The following HBS1L variants were observed in gnomAD, a reference collection of about 807,000 sequenced individuals.
HBS1L encodes HBS1 like translational GTPase, also known as HBS1-like protein.
HBS1L carries 55 observed loss-of-function variants against 88.9 expected under a neutral mutation model. That is an observed-to-expected ratio of 0.62 (90% CI 0.50 to 0.77). HBS1L has a LOEUF of 0.77. HBS1L is among the 30% of genes least tolerant of loss of function. The pLI is 0.00. For missense variants in HBS1L, 741 were observed against 829.3 expected (o/e 0.89, Z 1.31); for synonymous variants, 267 against 288.5 (o/e 0.93, Z 0.76).
Position 134,964,026 on chromosome 6 carries a change from T to C in HBS1L, c.*1253A>G, listed in dbSNP as rs1207910099. 1 of 152,132 alleles carries C rather than the reference T, an allele frequency of 6.6e-6. No individual in the cohort carries two copies. The highest frequency in any genetic ancestry group is 1.5e-5 in the Non-Finnish European group (1 of 68,032). 9.4% of individuals were successfully genotyped at this position (152,132 alleles called of 1,614,324 possible). On this transcript the variant is annotated 3_prime_UTR_variant, in exon 18 of 18. Transcript: ENST00000367837. ...TTGGTAAAGCAATATACCAAGTGTG[T>C]TCACTTGGTAATCATTCACTAAGCA... is the stretch of plus-strand genomic sequence containing the variant.
chr6:134,991,831 A>AGG (rs1775147526), intron 8 of HBS1L, among the ~76,000 whole-genome samples: 1 of 152,124 alleles, frequency 6.6e-6, no homozygotes. Flanking sequence ...ACACTTTGGG[A>AGG]GGCTGAGGTG....
chr6:134,986,667 A>C, intron 10 of HBS1L, 69 bp downstream of exon 10: 1 of 666,482 alleles, frequency 1.5e-6, no homozygotes, highest in East Asian at 3.1e-5. Flanking sequence ...TCAAAGTATT[A>C]GTTTTTCCTC....
chr6:134,977,303 C>T (rs1452900257), intron 15 of HBS1L, among the ~76,000 whole-genome samples: 1 of 151,972 alleles, frequency 6.6e-6, no homozygotes, highest in African/African-American at 2.4e-5. Context: ...CATCCCTCTA[C>T]CTCTCCATTG....
chr6:135,006,403 G>A (rs950641641), intron 4 of HBS1L, among the ~76,000 whole-genome samples: 112 of 152,156 alleles, frequency 7.4e-4, no homozygotes, highest in African/African-American at 2.6e-3. Flanking sequence ...CTGTGATCAT[G>A]AAGAGCTTAG....
chr6:135,025,991 T>A (rs1380103100), intron 4 of HBS1L, among the ~76,000 whole-genome samples: 1 of 152,132 alleles, frequency 6.6e-6, no homozygotes, highest in Non-Finnish European at 1.5e-5. Context: ...GGTAGCTAGT[T>A]AGCAACATGC....
chr6:135,039,192 A>C (rs1776650372), intron 4 of HBS1L, among the ~76,000 whole-genome samples: 1 of 151,822 alleles, frequency 6.6e-6, no homozygotes, highest in African/African-American at 2.4e-5. Context: ...GGTGGCACGC[A>C]CCTGTAATCC....
At chr6:135,027,379 G>A (rs1776265999) in intron 4 of HBS1L, among the ~76,000 whole-genome samples, 1 of 151,732 alleles carries the variant, frequency 6.6e-6, no homozygotes, top group Non-Finnish European at 1.5e-5. Flanking sequence ...AATAAAACCA[G>A]TAATCATAAC....
intron 4 of HBS1L, chr6:135,037,195 C>T (rs1397495660): frequency 1.5e-5 from 23 of 1,551,580 alleles, no homozygotes; most frequent in African/African-American, 8.2e-5. Flanking sequence ...AGACTGACAG[C>T]GATTTGCTAA....
chr6:135,031,183 A>G (rs755997660), intron 4 of HBS1L, among the ~76,000 whole-genome samples: 13 of 152,188 alleles, frequency 8.5e-5, no homozygotes, highest in Admixed American at 3.3e-4. Flanking sequence ...GCTGTGGGCC[A>G]TGAGTTCGGT....
In HBS1L at chr6:135,054,741, T is replaced by C. The variant is rs901567129; in HGVS notation, c.-50A>G. On this transcript the variant is annotated 5_prime_UTR_variant, in exon 1 of 18. Transcript: ENST00000367837. ...AGCCCCTTAACTCCTTCCAAAACAC[T>C]CCGCTTAGATACTGATAAGGCGCCA... is the stretch of plus-strand genomic sequence containing the variant. The C allele has an allele frequency of 6.8e-6, 11 of 1,607,792 alleles. No individual in the cohort carries two copies. Among genetic ancestry groups the C allele is most frequent in the Non-Finnish European group, 9.4e-6 (11 of 1,175,436 alleles).
intron 16 of HBS1L, among the ~76,000 whole-genome samples, chr6:134,966,930 T>TTC (rs1774333111): frequency 6.8e-6 from 1 of 147,420 alleles, no homozygotes; most frequent in African/African-American, 2.7e-5. Flanking sequence ...GAATGTGTAT[T>TTC]AGGAAGTTAT....
chr6:135,050,970 G>A (rs1486099835), intron 1 of HBS1L, among the ~76,000 whole-genome samples: 2 of 152,200 alleles, frequency 1.3e-5, no homozygotes, highest in Non-Finnish European at 2.9e-5. Context: ...GCTTACGCCT[G>A]TAATCCCAGC....
At chr6:134,993,897 T>A (rs771321591) in intron 7 of HBS1L, 22 bp from the exon 8 acceptor site, 4 of 1,180,522 alleles carry the variant, frequency 3.4e-6, no homozygotes, top group Non-Finnish European at 5.0e-6. Context: ...CATAACATGG[T>A]TAGAATGTAC....
intron 4 of HBS1L, among the ~76,000 whole-genome samples, chr6:135,028,493 C>A (rs1417457600): frequency 7.4e-6 from 1 of 135,392 alleles, no homozygotes; most frequent in Admixed American, 7.1e-5. Context: ...AAGATAAATC[C>A]TATCATAAAA....
intron 4 of HBS1L, among the ~76,000 whole-genome samples, chr6:135,006,885 A>C (rs1175568087): frequency 6.6e-6 from 1 of 151,956 alleles, no homozygotes; most frequent in African/African-American, 2.4e-5. Flanking sequence ...GGCATGGGGG[A>C]TTCTGGCCTC....
At chr6:134,998,480 C>T (rs1775353179) in intron 5 of HBS1L, among the ~76,000 whole-genome samples, 1 of 152,158 alleles carries the variant, frequency 6.6e-6, no homozygotes, top group Non-Finnish European at 1.5e-5. Context: ...CCTCACTTTG[C>T]TTTAACAACT....
At chr6:134,975,726 G>A (rs772626282) in intron 15 of HBS1L, among the ~76,000 whole-genome samples, 14 of 151,998 alleles carry the variant, frequency 9.2e-5, no homozygotes, top group Non-Finnish European at 1.5e-5. Flanking sequence ...ATGGAAGAAC[G>A]AAAACTGGAT....
chr6:134,988,522 A>G (rs905831327), intron 8 of HBS1L, among the ~76,000 whole-genome samples: 7 of 152,166 alleles, frequency 4.6e-5, no homozygotes, highest in South Asian at 2.1e-4. Flanking sequence ...CTATTTGCTA[A>G]AGAAATATAA....
At position 135,042,020 on chromosome 6, in the gene HBS1L, C is replaced by T; in HGVS notation, c.216G>A (p.Gln72=). Reference sequence around the variant, plus strand: ...CTATACCTTGATCAAATCCACTGAGCTGATGGTTTGAAACAGAATTGGAAG... The same window carrying T: ...CTATACCTTGATCAAATCCACTGAGTTGATGGTTTGAAACAGAATTGGAAG... The part of the protein sequence containing the change: ...KESSNSVSNH[Q]LSGFDQARLY... Residue 72 remains glutamine, a synonymous_variant, in exon 3 of 18, where the codon CAG becomes CAA. Transcript: ENST00000367837. The T allele has an allele frequency of 6.2e-7, 1 of 1,613,480 alleles. No individual in the cohort carries two copies. Among genetic ancestry groups the T allele is most frequent in the Non-Finnish European group, 8.5e-7 (1 of 1,179,750 alleles).
Sources: allele counts gnomAD v4.1 joint callset (sites outside exome capture counted in the v4.1 genomes callset), GRCh38; gene constraint gnomAD v4.1.1; transcripts MANE v1.5; gene names NCBI Gene and HGNC (gene_info 2026-07-23, HGNC 2026-07-21).